The following YEATS4 variants were observed in gnomAD, a reference collection of about 807,000 sequenced individuals.
YEATS4 encodes YEATS domain containing 4.
In YEATS4, 17 loss-of-function variants were observed where a neutral mutation model predicts 30.1. The observed-to-expected ratio is 0.56, with a 90% CI of 0.39 to 0.85. The LOEUF (loss-of-function observed/expected upper bound fraction) is 0.85, where lower values mean the gene tolerates loss of function less well. Ranked by LOEUF, YEATS4 falls within the 40% of genes least tolerant of loss-of-function variation. The pLI, the probability that YEATS4 is intolerant of heterozygous loss-of-function variation, is 0.00. For synonymous variants in YEATS4, 85 were observed against 87.5 expected, an observed-to-expected ratio of 0.97 and a Z score of 0.16; for missense variants, 142 against 268.3, an observed-to-expected ratio of 0.53 and a Z score of 3.29.
At chr12:69,361,201 A>T (rs1310776213) in intron 1 of YEATS4, 3 of 149,362 alleles carry the variant, frequency 2.0e-5, no homozygotes, top group Admixed American at 6.7e-5. Flanking sequence ...ATGTTTCTTT[A>T]AAAAAAAAAT....
intron 6 of YEATS4, among the ~76,000 whole-genome samples, chr12:69,388,374 T>G (rs79232158): frequency 0.027 from 4,123 of 152,364 alleles, 79 homozygotes; most frequent in Middle Eastern, 0.054. Flanking sequence ...AAGAGATTGA[T>G]GGAGCCTTAG....
At chr12:69,390,914 T>C (rs375548150), downstream of YEATS4, 2 of 152,276 alleles carry the variant, frequency 1.3e-5, no homozygotes, top group Non-Finnish European at 2.9e-5. Flanking sequence ...CATTGTCGCA[T>C]GTAGAAGCTC....
the YEATS4 span, chr12:69,422,643 A>AAC: frequency 6.6e-6 from 1 of 152,356 alleles, no homozygotes; most frequent in Non-Finnish European, 1.5e-5. Context: ...AAAAAAAAAA[A>AAC]AAAAAAAAAA....
chr12:69,419,630 G>A, the YEATS4 span, among the ~76,000 whole-genome samples: 90 of 152,170 alleles, frequency 5.9e-4, no homozygotes, highest in African/African-American at 1.6e-3. Context: ...AGTACCTGCC[G>A]TTATAGAAGG....
downstream of YEATS4, among the ~76,000 whole-genome samples, chr12:69,392,273 A>G (rs1035010615): frequency 1.3e-5 from 2 of 152,242 alleles, no homozygotes; most frequent in Non-Finnish European, 2.9e-5. Flanking sequence ...GAACCCTCAT[A>G]TATTGCTGGT....
rs1332053083 is a variant in YEATS4 at position 69,365,647 on chromosome 12, T to C, written c.186T>C (p.Tyr62=). ...TTATATTTTAGGATATGTCAGCATA[T>C]GTGAAGAAAATCCAGTTTAAATTAC... ...KPYRNEDMSA[Y]VKKIQFKLHE... The change falls in exon 3 of 7, where the codon TAT becomes TAC. Residue 62 remains tyrosine, a synonymous_variant. Transcript: ENST00000247843. 6.2e-7 allele frequency: 1 copy of C among 1,610,416 alleles called. No individual in the cohort carries two copies.
At chr12:69,416,716 A>T in the YEATS4 span, among the ~76,000 whole-genome samples, 2 of 152,222 alleles carry the variant, frequency 1.3e-5, no homozygotes, top group African/African-American at 4.8e-5. Context: ...AATGTGTAAC[A>T]ATCAATGCCC....
intron 6 of YEATS4, among the ~76,000 whole-genome samples, chr12:69,389,830 G>A (rs1246838862): frequency 1.3e-5 from 2 of 152,022 alleles, no homozygotes; most frequent in African/African-American, 4.8e-5. Context: ...ATTAGCTGAT[G>A]TATCTTGGGT....
At chr12:69,421,801 A>C in the YEATS4 span, among the ~76,000 whole-genome samples, 2 of 152,212 alleles carry the variant, frequency 1.3e-5, no homozygotes, top group African/African-American at 2.4e-5. Flanking sequence ...GCCATGTAGA[A>C]AAGGTGGCTC....
chr12:69,393,277 CA>C (rs1030126332), downstream of YEATS4, among the ~76,000 whole-genome samples: 2 of 149,440 alleles, frequency 1.3e-5, no homozygotes, highest in East Asian at 3.9e-4. Context: ...CTGGTCTCTA[CA>C]AAAAAAACCA....
At chr12:69,422,637 A>AAAG in the YEATS4 span, 1 of 133,200 alleles carries the variant, frequency 7.5e-6, no homozygotes, top group Non-Finnish European at 1.7e-5. Context: ...TCTCAAAAAA[A>AAAG]AAAAAAAAAA....
chr12:69,423,469 T>C, the YEATS4 span, among the ~76,000 whole-genome samples: 1 of 152,166 alleles, frequency 6.6e-6, no homozygotes, highest in Non-Finnish European at 1.5e-5. Context: ...TAAGTTGTAG[T>C]TGCTAAGAAA....
chr12:69,398,404 C>T, the YEATS4 span, among the ~76,000 whole-genome samples: 1 of 151,992 alleles, frequency 6.6e-6, no homozygotes, highest in Non-Finnish European at 1.5e-5. Flanking sequence ...TAGTTCCATA[C>T]TCCAGCAATG....
chr12:69,417,544 A>G, the YEATS4 span, among the ~76,000 whole-genome samples: 1 of 152,172 alleles, frequency 6.6e-6, no homozygotes, highest in Admixed American at 6.5e-5. Context: ...GCCTGAACAT[A>G]AGGCTGCCTT....
At chr12:69,364,826 G>C (rs1005706542) in intron 2 of YEATS4, among the ~76,000 whole-genome samples, 1 of 151,960 alleles carries the variant, frequency 6.6e-6, no homozygotes, top group East Asian at 1.9e-4. Context: ...CCCCATGTTG[G>C]CCAGGCTGGT....
the YEATS4 span, among the ~76,000 whole-genome samples, chr12:69,413,745 G>C: frequency 2.0e-5 from 3 of 151,808 alleles, no homozygotes; most frequent in East Asian, 5.8e-4. Context: ...CCAGCTACTT[G>C]GGAGGCTGAG....
chr12:69,383,184 A>G (rs1876145162), intron 6 of YEATS4, among the ~76,000 whole-genome samples: 1 of 152,148 alleles, frequency 6.6e-6, no homozygotes, highest in South Asian at 2.1e-4. Flanking sequence ...GGATTACTTG[A>G]GCCCAGGAGG....
intron 6 of YEATS4, among the ~76,000 whole-genome samples, chr12:69,378,861 G>A (rs543844646): frequency 6.6e-6 from 1 of 152,264 alleles, no homozygotes; most frequent in Admixed American, 6.5e-5. Context: ...TTGCCAGTGA[G>A]TTTTGTATCT....
chr12:69,422,942 C>G, the YEATS4 span: 1 of 152,252 alleles, frequency 6.6e-6, no homozygotes, highest in Non-Finnish European at 1.5e-5. Flanking sequence ...CAATACCCCT[C>G]CCTGATTTAG....
Sources: allele counts gnomAD v4.1 joint callset (sites outside exome capture counted in the v4.1 genomes callset), GRCh38; gene constraint gnomAD v4.1.1; transcripts MANE v1.5; gene names NCBI Gene and HGNC (gene_info 2026-07-23, HGNC 2026-07-21).